Variants in NRXN3 observed in about 807,000 individuals in gnomAD.
NRXN3 encodes neurexin III.
NRXN3 carries 32 observed loss-of-function variants against 137.6 expected under a neutral mutation model. That is an observed-to-expected ratio of 0.23 (90% CI 0.18 to 0.31). The LOEUF is 0.31. Among genes scored for constraint, NRXN3 ranks in the 10% least tolerant of loss-of-function variants. NRXN3 has a pLI of 1.00. For synonymous variants in NRXN3, 798 were observed against 784.5 expected (o/e 1.02, Z -0.29); for missense variants, 1,574 against 2,062.5 (o/e 0.76, Z 4.59).
At chr14:79,553,789 A>G (rs1487245656) in intron 16 of NRXN3, among the ~76,000 whole-genome samples, 1 of 152,166 alleles carries the variant, frequency 6.6e-6, no homozygotes, top group Non-Finnish European at 1.5e-5. Context: ...CATCTTATTC[A>G]TTGGTTAGCC....
intron 16 of NRXN3, among the ~76,000 whole-genome samples, chr14:79,628,233 C>T (rs1219407180): frequency 6.6e-6 from 1 of 152,156 alleles, no homozygotes; most frequent in East Asian, 1.9e-4. Context: ...TCATCATCCT[C>T]CTCCCTCCTT....
At chr14:79,852,234 A>AACACACACACACACACACACACACAC (rs45581833) in intron 20 of NRXN3, among the ~76,000 whole-genome samples, 1 of 128,184 alleles carries the variant, frequency 7.8e-6, no homozygotes, top group Non-Finnish European at 1.6e-5. Context: ...TTCAACTCCC[A>AACACACACACACACACACACACACAC]ACACACACAC....
At chr14:79,073,889 A>G (rs2099691689) in intron 15 of NRXN3, among the ~76,000 whole-genome samples, 1 of 152,170 alleles carries the variant, frequency 6.6e-6, no homozygotes, top group South Asian at 2.1e-4. Flanking sequence ...GTGACCTTGG[A>G]CACGTTATTT....
intron 4 of NRXN3, among the ~76,000 whole-genome samples, chr14:78,435,206 C>T (rs921210317): frequency 2.0e-5 from 3 of 152,174 alleles, no homozygotes; most frequent in Non-Finnish European, 4.4e-5. Flanking sequence ...CTGGTCTTCA[C>T]TTCCCTGATT....
intron 15 of NRXN3, among the ~76,000 whole-genome samples, chr14:79,354,464 A>C (rs2093347472): frequency 6.6e-6 from 1 of 152,186 alleles, no homozygotes; most frequent in African/African-American, 2.4e-5. Flanking sequence ...ATGAAACCTG[A>C]GGAGTTACTT....
chr14:79,853,858 A>G, intron 20 of NRXN3: 2 of 984,940 alleles, frequency 2.0e-6, no homozygotes, highest in South Asian at 4.6e-5. Flanking sequence ...AAGGCAAATT[A>G]TAAAAGTAAA....
intron 10 of NRXN3, among the ~76,000 whole-genome samples, chr14:78,918,389 A>T (rs1459148150): frequency 6.6e-6 from 1 of 152,140 alleles, no homozygotes; most frequent in Non-Finnish European, 1.5e-5. Flanking sequence ...AATAAAACGA[A>T]TAATGAAACA....
intron 3 of NRXN3, among the ~76,000 whole-genome samples, chr14:78,296,853 G>A (rs1237709964): frequency 6.6e-6 from 1 of 151,650 alleles, no homozygotes; most frequent in Non-Finnish European, 1.5e-5. Context: ...CTATATCCCT[G>A]AATTTTGCTC....
chr14:79,567,477 C>G (rs1383556941), intron 16 of NRXN3, among the ~76,000 whole-genome samples: 4 of 151,856 alleles, frequency 2.6e-5, no homozygotes, highest in Non-Finnish European at 4.4e-5. Flanking sequence ...GATGTTAGCC[C>G]TTATGTCCTG....
At chr14:79,063,017 G>A (rs908000196) in intron 15 of NRXN3, among the ~76,000 whole-genome samples, 7 of 152,132 alleles carry the variant, frequency 4.6e-5, no homozygotes, top group Non-Finnish European at 1.0e-4. Context: ...TAATTTAGGT[G>A]AATGTTAGCA....
rs140159558 is a variant in NRXN3, at chr14:78,722,101, A to C, written c.2044+6962A>C. On this transcript the variant is annotated intron_variant, in intron 8 of 20. Coordinates refer to ENST00000335750, the MANE Select transcript of NRXN3 (RefSeq NM_001330195.2). Reference sequence around the variant, plus strand: ...TCACAGCTGGTCCTGTTACTCTAAAAAAGAGTATCAGGATTGTAGATTCCG... The same window carrying C: ...TCACAGCTGGTCCTGTTACTCTAAACAAGAGTATCAGGATTGTAGATTCCG... Among the ~76,000 whole-genome samples the C allele has an allele frequency of 2.0e-3, 307 of 152,326 alleles. 1 individual carries two copies. Among genetic ancestry groups the C allele is most frequent in the Non-Finnish European group, 3.7e-3 (255 of 68,032 alleles).
intron 10 of NRXN3, among the ~76,000 whole-genome samples, chr14:78,820,949 TG>T (rs2098949063): frequency 6.6e-6 from 1 of 152,108 alleles, no homozygotes; most frequent in Admixed American, 6.6e-5. Flanking sequence ...ATATTACAAA[TG>T]GGGAAACCAA....
At chr14:79,375,423 C>T (rs1263336450) in intron 15 of NRXN3, among the ~76,000 whole-genome samples, 1 of 151,778 alleles carries the variant, frequency 6.6e-6, no homozygotes, top group Non-Finnish European at 1.5e-5. Context: ...TGCTCATGCA[C>T]TGTCTGGGGC....
chr14:79,352,001 T>C, intron 15 of NRXN3, among the ~76,000 whole-genome samples: 1 of 152,200 alleles, frequency 6.6e-6, no homozygotes, highest in East Asian at 1.9e-4. Flanking sequence ...TATTTTAAAT[T>C]ACATTTCTGA....
At chr14:78,594,271 G>A (rs1484601883) in intron 4 of NRXN3, among the ~76,000 whole-genome samples, 12 of 152,180 alleles carry the variant, frequency 7.9e-5, no homozygotes, top group Non-Finnish European at 1.2e-4. Flanking sequence ...AGGACAAGGC[G>A]CCGAGGGGTG....
intron 4 of NRXN3, among the ~76,000 whole-genome samples, chr14:78,587,197 C>A (rs1348523293): frequency 6.6e-6 from 1 of 152,194 alleles, no homozygotes; most frequent in Non-Finnish European, 1.5e-5. Context: ...TTGGGAATGT[C>A]ATAAAAGAGA....
At chr14:79,699,177 C>T (rs1018291835) in intron 19 of NRXN3, among the ~76,000 whole-genome samples, 2 of 151,938 alleles carry the variant, frequency 1.3e-5, no homozygotes, top group Non-Finnish European at 2.9e-5. Context: ...TGCATACCTA[C>T]ACACATGCTC....
intron 15 of NRXN3, among the ~76,000 whole-genome samples, chr14:79,040,971 C>T (rs4903813): frequency 0.52 from 78,565 of 151,964 alleles, 22,861 homozygotes; most frequent in East Asian, 0.78. Flanking sequence ...TTCCAAGTTC[C>T]CTTATCTGTG....
chr14:79,096,418 T>C (rs1342273780), intron 15 of NRXN3, among the ~76,000 whole-genome samples: 1 of 152,114 alleles, frequency 6.6e-6, no homozygotes, highest in Non-Finnish European at 1.5e-5. Context: ...CTTCCGCCTC[T>C]CTTTTTTTTA....
Sources: allele counts gnomAD v4.1 joint callset (sites outside exome capture counted in the v4.1 genomes callset), GRCh38; gene constraint gnomAD v4.1.1; transcripts MANE v1.5; gene names NCBI Gene and HGNC (gene_info 2026-07-23, HGNC 2026-07-21).